MOGAT2: variants seen among roughly 807,000 people sequenced by gnomAD.
The protein encoded by MOGAT2 is monoacylglycerol O-acyltransferase 2.
A neutral mutation model predicts 31.5 loss-of-function variants in MOGAT2; 27 were observed. The observed-to-expected ratio is 0.86, with a 90% confidence interval of 0.63 to 1.18. MOGAT2 has a LOEUF of 1.18. Ranked by LOEUF, MOGAT2 falls within the 50% of genes most tolerant of loss-of-function variation. MOGAT2 has a pLI of 0.00. For missense variants in MOGAT2, 436 were observed against 433.2 expected, an observed-to-expected ratio of 1.01 and a Z score of -0.06; for synonymous variants, 163 against 170.0, an observed-to-expected ratio of 0.96 and a Z score of 0.32.
intron 5 of MOGAT2, among the ~76,000 whole-genome samples, chr11:75,730,745 C>A (rs1944469098): frequency 6.6e-6 from 1 of 151,672 alleles, no homozygotes; most frequent in South Asian, 2.1e-4. Context: ...CCCATCTCTA[C>A]TAAAAATACA....
In MOGAT2 at chr11:75,720,843, G is replaced by A. The variant is rs116618758; in HGVS notation, c.270+673G>A. Among the ~76,000 whole-genome samples the A allele has an allele frequency of 3.9e-3, 601 of 152,224 alleles. 3 individuals carry two copies. Among genetic ancestry groups the A allele is most frequent in the African/African-American group, 0.013 (551 of 41,532 alleles). On this transcript the variant is annotated intron_variant, in intron 2 of 5. Transcript: ENST00000198801. ...CTGGCTTTCCGACTCCTGTCACCTC[G>A]TGGTCATTGTGGACGCTGGGCCCTG...
At position 75,728,996 on chromosome 11, in the gene MOGAT2, C is replaced by G; in HGVS notation, c.850+7C>G. 1 of 1,613,252 alleles carries G rather than the reference C, an allele frequency of 6.2e-7. No homozygotes were observed. The highest frequency in any genetic ancestry group is 8.5e-7 in the Non-Finnish European group (1 of 1,179,902). On this transcript the variant is annotated splice_region_variant and intron_variant, in intron 5 of 5. Transcript: ENST00000198801. Reference sequence around the variant, plus strand: ...CGGCCCATCACCACTGTGGGTAAGTCCAGGACCAGGCTGGGAGGGAGGAGG... The same window carrying G: ...CGGCCCATCACCACTGTGGGTAAGTGCAGGACCAGGCTGGGAGGGAGGAGG...
At chr11:75,728,721 T>G in intron 4 of MOGAT2, 69 bp from the exon 5 acceptor site, 1 of 1,386,934 alleles carries the variant, frequency 7.2e-7, no homozygotes, top group Non-Finnish European at 1.0e-6. Context: ...TGCAGGAAGC[T>G]AAAGGGCCTT....
intron 3 of MOGAT2, 134 bp from the exon 4 acceptor site, chr11:75,727,836 G>A: frequency 1.9e-6 from 2 of 1,067,024 alleles, no homozygotes; most frequent in Non-Finnish European, 2.7e-6. Flanking sequence ...GGAGCTCCTA[G>A]CTGGAATGGG....
intron 5 of MOGAT2, among the ~76,000 whole-genome samples, 156 bp downstream of exon 5, chr11:75,729,145 G>C (rs764455008): frequency 6.6e-6 from 1 of 152,184 alleles, no homozygotes; most frequent in Admixed American, 6.5e-5. Context: ...TAGAATAGAA[G>C]ACAGTCTGGG....
intron 2 of MOGAT2, among the ~76,000 whole-genome samples, chr11:75,723,038 T>C (rs1336020151): frequency 6.6e-6 from 1 of 152,146 alleles, no homozygotes; most frequent in South Asian, 2.1e-4. Flanking sequence ...CTCGGCTCAC[T>C]GCAACCTCCA....
rs900389347 is a variant in MOGAT2 at position 75,727,488 on chromosome 11, C to G, written c.324C>G (p.His108Gln). The change falls in exon 3 of 6, where the codon CAC becomes CAG. Residue 108 changes from histidine (H) to glutamine (Q), a missense_variant. Coordinates refer to ENST00000198801, the MANE Select transcript of MOGAT2 (RefSeq NM_025098.4). ...CTCGGAACTACATTGCGGGCTTCCA[C>G]CCCCATGGAGTCCTGGCAGTCGGAG... is the stretch of plus-strand genomic sequence containing the variant. Reference protein sequence around the residue: ...DPSRNYIAGFHPHGVLAVGAF... With the variant: ...DPSRNYIAGFQPHGVLAVGAF... The G allele has an allele frequency of 3.1e-6, 5 of 1,614,020 alleles. No homozygotes were observed. The highest frequency in any genetic ancestry group is 4.2e-6 in the Non-Finnish European group (5 of 1,180,024).
intron 2 of MOGAT2, among the ~76,000 whole-genome samples, chr11:75,726,784 T>C (rs933971564): frequency 6.7e-6 from 1 of 148,650 alleles, no homozygotes. Context: ...CTGCAACCTC[T>C]GCCTCCTGGG....
chr11:75,729,962 C>A lies in MOGAT2; in HGVS notation c.850+973C>A, dbSNP rs1338998592. Reference sequence around the variant, plus strand: ...GTTTCACCATGTTGGCCAGGCTGGTCTCGAACTCCTGACCTCAAGTGATCA... The same window carrying A: ...GTTTCACCATGTTGGCCAGGCTGGTATCGAACTCCTGACCTCAAGTGATCA... On this transcript the variant is annotated intron_variant, in intron 5 of 5. Coordinates refer to ENST00000198801, the MANE Select transcript of MOGAT2 (RefSeq NM_025098.4). 2.6e-5 allele frequency among the ~76,000 whole-genome samples: 4 copies of A among 152,042 alleles called. No homozygotes were observed. In the East Asian group the frequency reaches 5.8e-4, roughly 22 times the overall value.
intron 2 of MOGAT2, among the ~76,000 whole-genome samples, chr11:75,725,249 A>G (rs896074684): frequency 5.3e-5 from 8 of 152,204 alleles, no homozygotes; most frequent in African/African-American, 1.9e-4. Context: ...TGAGCTAGAT[A>G]GGTTTTTAAA....
rs543037592 is a variant in MOGAT2, at chr11:75,729,740, C to CTTTTTTTT, written c.850+756_850+763dup. On this transcript the variant is annotated intron_variant, in intron 5 of 5. Transcript: ENST00000198801. ...AATGCCAGAGAAGGAGGGTTTAATT[C>CTTTTTTTT]TTTTTTTTTTTTGTTTTTTTTTGAG... 3.3e-5 allele frequency among the ~76,000 whole-genome samples: 4 copies of CTTTTTTTT among 121,400 alleles called. 1 individual carries two copies. Among genetic ancestry groups the CTTTTTTTT allele is most frequent in the Non-Finnish European group, 6.5e-5 (4 of 61,638 alleles). 79.6% of individuals were successfully genotyped at this position (121,400 alleles called of 152,430 possible). A position where few individuals can be genotyped will look rare whatever the true frequency, so the allele number is the denominator to read the frequency against.
At chr11:75,728,729 C>G in intron 4 of MOGAT2, 61 bp from the exon 5 acceptor site, 1 of 1,468,550 alleles carries the variant, frequency 6.8e-7, no homozygotes, top group Non-Finnish European at 9.5e-7. Context: ...GCTAAAGGGC[C>G]TTTCAGCTCG....
chr11:75,718,717 G>T (rs997378074), intron 1 of MOGAT2, among the ~76,000 whole-genome samples: 2 of 152,156 alleles, frequency 1.3e-5, no homozygotes, highest in African/African-American at 2.4e-5. Flanking sequence ...CTGATTTGTG[G>T]CCAGAGAGAT....
In MOGAT2 at chr11:75,731,215, C is replaced by G; in HGVS notation, c.934C>G (p.Leu312Val). 6.2e-7 allele frequency: 1 copy of G among 1,614,160 alleles called. No homozygotes were observed. The highest frequency in any genetic ancestry group is 1.1e-5 in the South Asian group (1 of 91,086). Residue 312 changes from leucine (L) to valine (V), a missense_variant, in exon 6 of 6, where the codon CTG (leucine) becomes GTG (valine). Physicochemically the swap from Leu to Val is conservative, Grantham distance 32. Transcript: ENST00000198801. ...NQLHQRYIKE[L>V]CNLFEAHKLK... ...GCTGCACCAGCGTTATATCAAAGAG[C>G]TGTGCAACCTCTTCGAGGCCCACAA...
chr11:75,718,842 T>C (rs2092219446), intron 1 of MOGAT2, among the ~76,000 whole-genome samples: 1 of 152,174 alleles, frequency 6.6e-6, no homozygotes, highest in Admixed American at 6.5e-5. Flanking sequence ...TTTCATCTGC[T>C]GGCACCAGAC....
chr11:75,727,837 C>A, intron 3 of MOGAT2, 133 bp from the exon 4 acceptor site: 2 of 1,072,984 alleles, frequency 1.9e-6, no homozygotes, highest in Non-Finnish European at 1.3e-6. Flanking sequence ...GAGCTCCTAG[C>A]TGGAATGGGG....
intron 2 of MOGAT2, among the ~76,000 whole-genome samples, chr11:75,721,052 G>A (rs766905857): frequency 5.3e-5 from 8 of 152,102 alleles, no homozygotes; most frequent in Non-Finnish European, 1.0e-4. Flanking sequence ...ACAGGCAGGG[G>A]CAGTTGGCCC....
intron 2 of MOGAT2, among the ~76,000 whole-genome samples, chr11:75,726,945 C>T (rs1944426851): frequency 6.6e-6 from 1 of 152,166 alleles, no homozygotes; most frequent in Non-Finnish European, 1.5e-5. Flanking sequence ...CCGCCTTGGC[C>T]TCCCAAAGTG....
intron 2 of MOGAT2, among the ~76,000 whole-genome samples, chr11:75,721,618 T>G (rs1944377430): frequency 6.6e-6 from 1 of 152,112 alleles, no homozygotes; most frequent in Non-Finnish European, 1.5e-5. Context: ...AGGTAGCTAG[T>G]ATTATTTTAC....
Sources: allele counts gnomAD v4.1 joint callset (sites outside exome capture counted in the v4.1 genomes callset), GRCh38; gene constraint gnomAD v4.1.1; transcripts MANE v1.5; gene names NCBI Gene and HGNC (gene_info 2026-07-23, HGNC 2026-07-21).